The following CD47 variants were observed in gnomAD, a reference collection of about 807,000 sequenced individuals.
The protein encoded by CD47 is CD47 molecule, also known as leukocyte surface antigen CD47.
CD47 carries 11 observed loss-of-function variants against 44.6 expected under a neutral mutation model. That is an observed-to-expected ratio of 0.25 (90% CI 0.16 to 0.41). The LOEUF is 0.41. Ranked by LOEUF, CD47 falls within the 10% of genes least tolerant of loss-of-function variation. The probability of loss-of-function intolerance (pLI) is 1.00; values close to 1 mark genes in which losing one functional copy is unlikely to be tolerated. For synonymous variants in CD47, 140 were observed against 136.3 expected (o/e 1.03, Z -0.19); for missense variants, 306 against 386.7 (o/e 0.79, Z 1.75).
intron 3 of CD47, among the ~76,000 whole-genome samples, chr3:108,064,412 T>A (rs927672617): frequency 5.3e-5 from 8 of 152,192 alleles, no homozygotes; most frequent in African/African-American, 1.9e-4. Flanking sequence ...CAATGACATG[T>A]CCCTCTAGCC....
Position 108,058,319 on chromosome 3 carries a change from C to T in CD47, c.784+18G>A, listed in dbSNP as rs2078951362. On this transcript the variant is annotated intron_variant, in intron 6 of 10. Transcript: ENST00000361309. Reference sequence around the variant, plus strand: ...CCAAAAGTAACCCAAATTAGGTCTACAGAAAGATGACTCTTACCCGCAATA... The same window carrying T: ...CCAAAAGTAACCCAAATTAGGTCTATAGAAAGATGACTCTTACCCGCAATA... 1 of 1,475,146 alleles carries T rather than the reference C, an allele frequency of 6.8e-7. No homozygotes were observed. The highest frequency in any genetic ancestry group is 2.5e-5 in the East Asian group (1 of 40,028). 91.4% of individuals were successfully genotyped at this position (1,475,146 alleles called of 1,614,324 possible).
chr3:108,057,232 ATATGTCTTC>A (rs2078926747), intron 7 of CD47, among the ~76,000 whole-genome samples: 1 of 152,096 alleles, frequency 6.6e-6, no homozygotes, highest in African/African-American at 2.4e-5. Flanking sequence ...CATTAATCCT[ATATGTCTTC>A]TACCCTCTTT....
intron 1 of CD47, among the ~76,000 whole-genome samples, chr3:108,082,630 T>C (rs1375413309): frequency 6.6e-6 from 1 of 151,992 alleles, no homozygotes; most frequent in Non-Finnish European, 1.5e-5. Context: ...GAGGTACGAA[T>C]GAAGAACTCA....
chr3:108,064,164 CATCTATATGACT>C (rs1222244714), intron 3 of CD47, among the ~76,000 whole-genome samples: 3 of 152,088 alleles, frequency 2.0e-5, no homozygotes, highest in Non-Finnish European at 2.9e-5. Flanking sequence ...GAGCACTATC[CATCTATATGACT>C]ATCACTATTC....
chr3:108,074,596 G>A (rs139175466), intron 2 of CD47, among the ~76,000 whole-genome samples: 1 of 151,592 alleles, frequency 6.6e-6, no homozygotes, highest in African/African-American at 2.4e-5. Context: ...TTACAGGCGT[G>A]GGCTGCCACA....
intron 3 of CD47, among the ~76,000 whole-genome samples, chr3:108,070,630 C>T (rs1210232822): frequency 6.6e-6 from 1 of 152,106 alleles, no homozygotes; most frequent in East Asian, 1.9e-4. Context: ...AACATAGTTC[C>T]GACTGGACTT....
At chr3:108,057,193 C>T (rs1258780739) in intron 7 of CD47, among the ~76,000 whole-genome samples, 1 of 152,150 alleles carries the variant, frequency 6.6e-6, no homozygotes, top group African/African-American at 2.4e-5. Context: ...AAGCCATTTT[C>T]CTTTAAACTA....
intron 5 of CD47, 127 bp downstream of exon 5, chr3:108,059,325 A>G: frequency 6.5e-6 from 3 of 459,474 alleles, no homozygotes; most frequent in Non-Finnish European, 7.9e-6. Flanking sequence ...TAAGAATAGC[A>G]TGAAAAATCT....
intron 3 of CD47, among the ~76,000 whole-genome samples, chr3:108,069,986 C>A (rs2079169873): frequency 6.6e-6 from 1 of 152,168 alleles, no homozygotes; most frequent in African/African-American, 2.4e-5. Flanking sequence ...GTTGCCACTG[C>A]CACCCCTTTC....
intron 3 of CD47, among the ~76,000 whole-genome samples, chr3:108,065,579 G>A (rs1481488704): frequency 1.3e-5 from 2 of 151,996 alleles, no homozygotes; most frequent in East Asian, 3.9e-4. Context: ...TTGGGAGGCC[G>A]AGACAGACGG....
At chr3:108,047,817 A>G (rs2108215840) in intron 10 of CD47, among the ~76,000 whole-genome samples, 1 of 152,338 alleles carries the variant, frequency 6.6e-6, no homozygotes, top group Middle Eastern at 3.4e-3. Flanking sequence ...GATCAGCTGA[A>G]TATTAGCAAA....
chr3:108,047,895 A>C (rs771678552), intron 10 of CD47, among the ~76,000 whole-genome samples: 7 of 152,250 alleles, frequency 4.6e-5, no homozygotes, highest in Non-Finnish European at 7.3e-5. Context: ...GTTTTACAAT[A>C]TTTCCTGATG....
At chr3:108,076,901 G>T (rs1485477805) in intron 2 of CD47, among the ~76,000 whole-genome samples, 1 of 152,154 alleles carries the variant, frequency 6.6e-6, no homozygotes, top group Non-Finnish European at 1.5e-5. Flanking sequence ...GTACTAAGAA[G>T]AATTTGAGGG....
At chr3:108,066,661 T>A (rs76456004) in intron 3 of CD47, among the ~76,000 whole-genome samples, 1 of 152,166 alleles carries the variant, frequency 6.6e-6, no homozygotes, top group African/African-American at 2.4e-5. Context: ...AAGAGGAAAC[T>A]AGGCAAGAAA....
rs2078676530 is a variant in CD47, at chr3:108,044,222, T to G, written c.*3066A>C. On this transcript the variant is annotated 3_prime_UTR_variant, in exon 11 of 11. Coordinates refer to ENST00000361309, the MANE Select transcript of CD47 (RefSeq NM_001777.4). Reference sequence around the variant, plus strand: ...AGTAAACTTATCGTGTTTTGAGCTTTGTTAGTGCAAATAACAATTTGGTGG... The same window carrying G: ...AGTAAACTTATCGTGTTTTGAGCTTGGTTAGTGCAAATAACAATTTGGTGG... 1 of 152,632 alleles carries G rather than the reference T, an allele frequency of 6.6e-6. No individual in the cohort carries two copies. The highest frequency in any genetic ancestry group is 2.4e-5 in the African/African-American group (1 of 41,452). The allele number at this position is 152,632 out of a possible 1,614,324, so 9.5% of individuals were successfully genotyped here.
intron 1 of CD47, among the ~76,000 whole-genome samples, chr3:108,090,643 A>AG (rs1229818053): frequency 1.4e-5 from 2 of 145,020 alleles, no homozygotes; most frequent in Non-Finnish European, 3.0e-5. Context: ...GCTCTCACCC[A>AG]GGGGGAAGAA....
intron 9 of CD47, 87 bp downstream of exon 9, chr3:108,050,491 T>A: frequency 1.5e-6 from 1 of 686,290 alleles, no homozygotes; most frequent in Non-Finnish European, 2.6e-6. Context: ...AGATTCTTCC[T>A]AAGGCATAGA....
chr3:108,088,222 G>T (rs770186863), intron 1 of CD47, among the ~76,000 whole-genome samples: 5 of 152,186 alleles, frequency 3.3e-5, no homozygotes, highest in Non-Finnish European at 7.3e-5. Context: ...ACTATGAAAT[G>T]CAAATCTAGT....
intron 9 of CD47, among the ~76,000 whole-genome samples, chr3:108,050,363 G>T (rs576051747): frequency 6.6e-6 from 1 of 152,236 alleles, no homozygotes; most frequent in East Asian, 1.9e-4. Flanking sequence ...TGATCTGCCC[G>T]CCTTGGCCTC....
Sources: gnomAD v4.1 joint callset for allele counts (sites outside exome capture counted in the v4.1 genomes callset) on GRCh38, gnomAD v4.1.1 for gene constraint, MANE v1.5 for transcripts, NCBI Gene and HGNC (gene_info 2026-07-23, HGNC 2026-07-21) for gene names.